The following AFF3 variants were observed in gnomAD, a reference collection of about 807,000 sequenced individuals.
AFF3 encodes the protein AF4/FMR2 family member 3.
In AFF3, 32 loss-of-function variants were observed where a neutral mutation model predicts 129.7. The observed-to-expected ratio is 0.25, with a 90% CI of 0.19 to 0.33. AFF3 has a LOEUF of 0.33. Ranked by LOEUF, AFF3 falls within the 10% of genes least tolerant of loss-of-function variation. The probability of loss-of-function intolerance (pLI) is 1.00; values close to 1 mark genes in which losing one functional copy is unlikely to be tolerated. For synonymous variants in AFF3, 644 were observed against 635.4 expected (o/e 1.01, Z -0.20); for missense variants, 1,373 against 1,592.0 (o/e 0.86, Z 2.34).
rs1433718254 is a variant in AFF3 at position 100,056,061 on chromosome 2, TCTCA to T, written c.54-47133_54-47130del. Among the ~76,000 whole-genome samples the T allele has an allele frequency of 7.5e-3, 996 of 133,508 alleles. 6 individuals carry two copies. Among genetic ancestry groups the T allele is most frequent in the African/African-American group, 0.01 (350 of 33,866 alleles). 87.6% of individuals were successfully genotyped at this position (133,508 alleles called of 152,430 possible). On this transcript the variant is annotated intron_variant, in intron 4 of 24. Transcript: ENST00000672756. ...ACAAAAAAAAAAATCGCTGTCTCTC[TCTCA>T]CACACACACACACACACACACACAC...
chr2:100,047,506 C>T (rs533838644), intron 4 of AFF3, among the ~76,000 whole-genome samples: 9 of 152,300 alleles, frequency 5.9e-5, no homozygotes, highest in South Asian at 2.1e-4. Context: ...TCCTACACCA[C>T]GAGGATAAAC....
chr2:100,049,405 A>G (rs1686103217), intron 4 of AFF3, among the ~76,000 whole-genome samples: 1 of 152,216 alleles, frequency 6.6e-6, no homozygotes, highest in South Asian at 2.1e-4. Context: ...CTGGAAGACT[A>G]TTATAGATTC....
chr2:99,652,086 C>T (rs546501924), intron 12 of AFF3, among the ~76,000 whole-genome samples: 2 of 152,170 alleles, frequency 1.3e-5, no homozygotes, highest in South Asian at 2.1e-4. Flanking sequence ...AACCATGAGC[C>T]GGTGTCAGTA....
At chr2:99,771,733 A>T (rs1304311111) in intron 8 of AFF3, among the ~76,000 whole-genome samples, 3 of 152,206 alleles carry the variant, frequency 2.0e-5, no homozygotes, top group African/African-American at 7.2e-5. Context: ...GAAACTGTGG[A>T]ATCTGGAGGT....
At chr2:100,016,626 GTGGTGGTGA>G (rs1014503796) in intron 4 of AFF3, among the ~76,000 whole-genome samples, 1 of 150,574 alleles carries the variant, frequency 6.6e-6, no homozygotes, top group African/African-American at 2.5e-5. Context: ...GGTGATGGTG[GTGGTGGTGA>G]TGGTGGTGGT....
At chr2:99,579,985 T>C (rs1376597877) in intron 17 of AFF3, among the ~76,000 whole-genome samples, 5 of 152,236 alleles carry the variant, frequency 3.3e-5, no homozygotes, top group East Asian at 1.9e-4. Flanking sequence ...TCTACTGTCA[T>C]AGAAGACCAG....
intron 11 of AFF3, among the ~76,000 whole-genome samples, chr2:99,716,282 G>C (rs1479805339): frequency 6.6e-6 from 1 of 152,132 alleles, no homozygotes; most frequent in Admixed American, 6.5e-5. Flanking sequence ...TGATCTTCTT[G>C]AGATGGTTAT....
chr2:100,122,738 G>A (rs952246765), intron 2 of AFF3, among the ~76,000 whole-genome samples: 2 of 152,322 alleles, frequency 1.3e-5, no homozygotes, highest in East Asian at 1.9e-4. Flanking sequence ...TTTCTAAAAT[G>A]AGCATTTCCC....
chr2:99,671,225 A>T (rs1687116729), intron 12 of AFF3, among the ~76,000 whole-genome samples: 1 of 152,220 alleles, frequency 6.6e-6, no homozygotes, highest in African/African-American at 2.4e-5. Context: ...TTTGCTTATC[A>T]TCATGTAGAT....
At chr2:99,793,033 T>C (rs1237603879) in intron 8 of AFF3, among the ~76,000 whole-genome samples, 1 of 152,172 alleles carries the variant, frequency 6.6e-6, no homozygotes, top group African/African-American at 2.4e-5. Flanking sequence ...CCCCTTCAAA[T>C]CTCATGTTGA....
At chr2:99,851,893 T>TC (rs950894684) in intron 7 of AFF3, among the ~76,000 whole-genome samples, 1 of 151,720 alleles carries the variant, frequency 6.6e-6, no homozygotes. Context: ...AATATTAACG[T>TC]TTTTTTCCCC....
intron 7 of AFF3, among the ~76,000 whole-genome samples, chr2:99,901,775 T>G (rs1694358579): frequency 6.6e-6 from 1 of 152,156 alleles, no homozygotes; most frequent in South Asian, 2.1e-4. Flanking sequence ...TTTCCCTTGC[T>G]GCAGTCACAG....
chr2:100,006,371 A>G (rs549928276), intron 7 of AFF3: 1 of 367,362 alleles, frequency 2.7e-6, no homozygotes, highest in South Asian at 8.9e-5. Flanking sequence ...AACTATAGTG[A>G]AGGGGACATT....
chr2:99,969,440 T>G (rs1437857402), intron 7 of AFF3, among the ~76,000 whole-genome samples: 1 of 151,886 alleles, frequency 6.6e-6, no homozygotes, highest in East Asian at 1.9e-4. Context: ...CTGCACCATA[T>G]CTACCAGATC....
intron 8 of AFF3, among the ~76,000 whole-genome samples, chr2:99,808,608 T>C (rs1027195754): frequency 2.0e-5 from 3 of 152,038 alleles, no homozygotes; most frequent in African/African-American, 7.2e-5. Flanking sequence ...CAGGAAAGAC[T>C]GCAGAATCAA....
intron 11 of AFF3, among the ~76,000 whole-genome samples, chr2:99,673,904 C>T (rs977498274): frequency 6.6e-6 from 1 of 152,226 alleles, no homozygotes; most frequent in Non-Finnish European, 1.5e-5. Flanking sequence ...CCCCATTTCC[C>T]TATTTGTGCA....
intron 16 of AFF3, among the ~76,000 whole-genome samples, chr2:99,584,365 C>T (rs931502403): frequency 6.6e-6 from 1 of 152,158 alleles, no homozygotes; most frequent in Non-Finnish European, 1.5e-5. Flanking sequence ...CTACTCAGCT[C>T]AGGAGGCTGA....
chr2:100,024,476 C>T (rs181937637), intron 4 of AFF3, among the ~76,000 whole-genome samples: 2 of 151,132 alleles, frequency 1.3e-5, no homozygotes, highest in South Asian at 2.1e-4. Context: ...GGCATGGTGG[C>T]GAACGCCTGT....
At chr2:100,137,650 G>A (rs1037203327) in intron 1 of AFF3, among the ~76,000 whole-genome samples, 1 of 152,176 alleles carries the variant, frequency 6.6e-6, no homozygotes, top group East Asian at 1.9e-4. Context: ...TCGCCCTAAG[G>A]GAGTTGGCAT....
Sources: gnomAD v4.1 joint callset for allele counts (sites outside exome capture counted in the v4.1 genomes callset) on GRCh38, gnomAD v4.1.1 for gene constraint, MANE v1.5 for transcripts, NCBI Gene and HGNC (gene_info 2026-07-23, HGNC 2026-07-21) for gene names.